The following ABCA3 variants were observed in gnomAD, a reference collection of about 807,000 sequenced individuals.
ABCA3 encodes the protein ATP binding cassette subfamily A member 3.
In ABCA3, 88 loss-of-function variants were observed where a neutral mutation model predicts 172.8. That is an observed-to-expected ratio of 0.51 (90% CI 0.43 to 0.61). The LOEUF (loss-of-function observed/expected upper bound fraction) is 0.61. Ranked by LOEUF, ABCA3 falls within the 20% of genes least tolerant of loss-of-function variation. The pLI is 0.00. For missense variants in ABCA3, 2,164 were observed against 2,301.0 expected (o/e 0.94, Z 1.22); for synonymous variants, 1,066 against 983.8 (o/e 1.08, Z -1.56).
chr16:2,299,216 G>A (rs550946954), intron 14 of ABCA3, among the ~76,000 whole-genome samples, 187 bp downstream of exon 14: 49 of 151,444 alleles, frequency 3.2e-4, no homozygotes, highest in Non-Finnish European at 5.5e-4. Flanking sequence ...GGCATGTCCC[G>A]GACAGAGGCG....
At chr16:2,331,863 A>G (rs1315444074) in intron 1 of ABCA3, among the ~76,000 whole-genome samples, 1 of 152,182 alleles carries the variant, frequency 6.6e-6, no homozygotes, top group Non-Finnish European at 1.5e-5. Flanking sequence ...ACAAGAGCAG[A>G]GCTTCAAGAA....
At position 2,304,110 on chromosome 16, in the gene ABCA3, G is replaced by A. The variant is rs771421941; in HGVS notation, c.1326C>T (p.Asn442=). The change falls in exon 12 of 33, where the codon AAC becomes AAT. Residue 442 remains asparagine (N), a synonymous_variant. Coordinates refer to ENST00000301732, the MANE Select transcript of ABCA3 (RefSeq NM_001089.3). ...IQWRDLLSPV[N]VDDDFCFGQV... ...GCCCGAAGCAGAAGTCGTCGTCCAC[G>A]TTGACGGGACTCAGGAGGTCTCGCC... 4 of 1,614,188 alleles carry A rather than the reference G, an allele frequency of 2.5e-6. No homozygotes were observed. Among genetic ancestry groups the A allele is most frequent in the South Asian group, 1.1e-5 (1 of 91,088 alleles).
In ABCA3 at chr16:2,276,535, A is replaced by G; in HGVS notation, c.*139T>C. ...GGCTGCACTCGTCCATTCTGTGCAT[A>G]CTGCCTTGAATTTTTCATATCCATC... On this transcript the variant is annotated 3_prime_UTR_variant, in exon 33 of 33. Transcript: ENST00000301732. The G allele has an allele frequency of 1.9e-5, 27 of 1,404,092 alleles. No homozygotes were observed. Among genetic ancestry groups the G allele is most frequent in the Non-Finnish European group, 2.6e-5 (27 of 1,038,410 alleles). The allele number at this position is 1,404,092 out of a possible 1,614,324, so 87.0% of individuals were successfully genotyped here.
In ABCA3 at chr16:2,281,581, G is replaced by T; in HGVS notation, c.4036-72C>A. 5 of 1,451,246 alleles carry T rather than the reference G, an allele frequency of 3.4e-6. No individual in the cohort carries two copies. Among genetic ancestry groups the T allele is most frequent in the Non-Finnish European group, 4.8e-6 (5 of 1,050,770 alleles). 89.9% of individuals were successfully genotyped at this position (1,451,246 alleles called of 1,614,324 possible). ...CGGCTTCCGTGGAGAAGGGAGGGGC[G>T]GGGGTGGATGTGGGAGGTCTGGTGG... On this transcript the variant is annotated intron_variant, in intron 26 of 32. Transcript: ENST00000301732. The surrounding 1 kb of genome is among the most constrained non-coding windows in gnomAD (Gnocchi z 4.7).
rs745419477 is a variant in ABCA3, at chr16:2,287,655, G to A, written c.3004+371C>T. ...ACACTGTGGCCAGCATCATCACAAAGCAAAGGTAACTTGAAGTCACTATGC... is the reference window on the plus strand; with the variant it reads ...ACACTGTGGCCAGCATCATCACAAAACAAAGGTAACTTGAAGTCACTATGC... On this transcript the variant is annotated intron_variant, in intron 21 of 32. Transcript: ENST00000301732. The surrounding 1 kb of genome is among the most constrained non-coding windows in gnomAD (Gnocchi z 4.1). Among the ~76,000 whole-genome samples, 1 of 152,200 alleles carries A rather than the reference G, an allele frequency of 6.6e-6. No homozygotes were observed. The highest frequency in any genetic ancestry group is 2.1e-4 in the South Asian group (1 of 4,828).
intron 1 of ABCA3, among the ~76,000 whole-genome samples, chr16:2,330,598 G>A (rs1362426370): frequency 6.6e-6 from 1 of 151,806 alleles, no homozygotes; most frequent in African/African-American, 2.4e-5. Flanking sequence ...GGGATGACAG[G>A]TGTGAGCCAC....
At chr16:2,309,130 T>C (rs192462137) in intron 10 of ABCA3, among the ~76,000 whole-genome samples, 2 of 152,150 alleles carry the variant, frequency 1.3e-5, no homozygotes, top group Non-Finnish European at 2.9e-5. Context: ...TATTTTTTAG[T>C]AGAGATAGGG....
At chr16:2,316,572 A>G (rs9935044) in intron 10 of ABCA3, among the ~76,000 whole-genome samples, 17,490 of 144,624 alleles carry the variant, frequency 0.12, 1,698 homozygotes, top group East Asian at 0.38. Flanking sequence ...CAGCTACTCA[A>G]GAGGCTGAGG....
At position 2,277,850 on chromosome 16, in the gene ABCA3, C is replaced by T; in HGVS notation, c.4909+29G>A. On this transcript the variant is annotated intron_variant, in intron 31 of 32. Coordinates refer to ENST00000301732, the MANE Select transcript of ABCA3 (RefSeq NM_001089.3). The surrounding 1 kb of genome is among the most constrained non-coding windows in gnomAD (Gnocchi z 5.3). ...CCTAGGTAGGGGCCCAGGGCCCACCCAGTGGGGGCTGCCGGGGCCGGCACA... is the reference window on the plus strand; with the variant it reads ...CCTAGGTAGGGGCCCAGGGCCCACCTAGTGGGGGCTGCCGGGGCCGGCACA... 1.2e-6 allele frequency: 2 copies of T among 1,607,556 alleles called. No homozygotes were observed. Among genetic ancestry groups the T allele is most frequent in the Non-Finnish European group, 1.7e-6 (2 of 1,179,378 alleles).
chr16:2,284,199 C>T lies in ABCA3; in HGVS notation c.3862+80G>A. The T allele has an allele frequency of 6.6e-7, 1 of 1,512,836 alleles. No individual in the cohort carries two copies. 93.7% of individuals were successfully genotyped at this position (1,512,836 alleles called of 1,614,324 possible). A position where few individuals can be genotyped will look rare whatever the true frequency, so the allele number is the denominator to read the frequency against. On this transcript the variant is annotated intron_variant, in intron 25 of 32. Transcript: ENST00000301732. The surrounding 1 kb of genome is among the most constrained non-coding windows in gnomAD (Gnocchi z 5.9). Reference sequence around the variant, plus strand: ...AGGCCACTCAGACGCAGAGGAGCCCCTGCCCTAGGAGGCCCCTCTGCAGTG... The same window carrying T: ...AGGCCACTCAGACGCAGAGGAGCCCTTGCCCTAGGAGGCCCCTCTGCAGTG...
rs2141689234 is a variant in ABCA3, at chr16:2,279,504, C to T, written c.4360-374G>A. Reference sequence around the variant, plus strand: ...TGATGTGCTAGGACTCTTTCTTCTCCCTCTAAGAAGAAAGATTTGTGGGCA... The same window carrying T: ...TGATGTGCTAGGACTCTTTCTTCTCTCTCTAAGAAGAAAGATTTGTGGGCA... On this transcript the variant is annotated intron_variant, in intron 28 of 32. Transcript: ENST00000301732. The surrounding 1 kb of genome is among the most constrained non-coding windows in gnomAD (Gnocchi z 4.4). 6.6e-6 allele frequency among the ~76,000 whole-genome samples: 1 copy of T among 152,304 alleles called. No homozygotes were observed.
At chr16:2,332,208 G>T in intron 1 of ABCA3, 1 of 384,854 alleles carries the variant, frequency 2.6e-6, no homozygotes. Flanking sequence ...GCAGCAAATT[G>T]GAGAAATCCC....
At chr16:2,330,697 C>CTT (rs35782536) in intron 1 of ABCA3, among the ~76,000 whole-genome samples, 1 of 79,190 alleles carries the variant, frequency 1.3e-5, no homozygotes, top group Non-Finnish European at 2.5e-5. Context: ...CAACACCACC[C>CTT]TTTTTTTTTT....
At chr16:2,307,016 C>CAAAAAAAAAAAAAAAAA (rs201661615) in intron 11 of ABCA3, among the ~76,000 whole-genome samples, 3 of 65,990 alleles carry the variant, frequency 4.5e-5, no homozygotes, top group Non-Finnish European at 8.5e-5. Context: ...GACTCCGTCT[C>CAAAAAAAAAAAAAAAAA]AAAAAAAAAA....
At chr16:2,314,149 C>T (rs1256986182) in intron 10 of ABCA3, among the ~76,000 whole-genome samples, 5 of 152,050 alleles carry the variant, frequency 3.3e-5, no homozygotes, top group Non-Finnish European at 7.4e-5. Context: ...GGGTGTACGC[C>T]CAAAGAATGA....
chr16:2,308,325 C>G, intron 11 of ABCA3, 125 bp downstream of exon 11: 1 of 1,194,172 alleles, frequency 8.4e-7, no homozygotes, highest in Non-Finnish European at 1.2e-6. Context: ...ATGCTGCTGC[C>G]TTCAGTGGTC....
At chr16:2,294,192 A>ATT (rs754653044) in intron 18 of ABCA3, among the ~76,000 whole-genome samples, 3 of 122,576 alleles carry the variant, frequency 2.4e-5, no homozygotes, top group African/African-American at 6.0e-5. Flanking sequence ...TAATTTTTGT[A>ATT]TTTTTTTTTT....
chr16:2,296,462 T>C (rs2093679947), intron 17 of ABCA3, among the ~76,000 whole-genome samples: 1 of 152,226 alleles, frequency 6.6e-6, no homozygotes, highest in Admixed American at 6.5e-5. Context: ...CTTGAACTCC[T>C]GACCTCAAGT....
intron 19 of ABCA3, among the ~76,000 whole-genome samples, chr16:2,290,039 C>T (rs1340977158): frequency 1.3e-5 from 2 of 150,316 alleles, no homozygotes; most frequent in Non-Finnish European, 2.9e-5. Flanking sequence ...GGAAACACAA[C>T]TGAGGCTGCA....
Sources: gnomAD v4.1 joint callset for allele counts (sites outside exome capture counted in the v4.1 genomes callset) on GRCh38, gnomAD v4.1.1 for gene constraint, Gnocchi (gnomAD v3.1) non-coding constraint, MANE v1.5 for transcripts, NCBI Gene and HGNC (gene_info 2026-07-23, HGNC 2026-07-21) for gene names.